CSMD3: variants seen among roughly 807,000 people sequenced by gnomAD.
CSMD3 encodes the protein CUB and sushi domain-containing protein 3.
CSMD3 carries 177 observed loss-of-function variants against 435.2 expected under a neutral mutation model. The ratio of observed to expected loss-of-function variants is 0.41; its 90% CI spans 0.36 to 0.46. CSMD3 has a LOEUF of 0.46. CSMD3 is among the 20% of genes least tolerant of loss of function. The probability of loss-of-function intolerance (pLI) is 0.34; values close to 1 mark genes in which losing one functional copy is unlikely to be tolerated. For synonymous variants in CSMD3, 1,656 were observed against 1,520.5 expected, an observed-to-expected ratio of 1.09 and a Z score of -2.07; for missense variants, 4,265 against 4,504.6, an observed-to-expected ratio of 0.95 and a Z score of 1.52.
intron 13 of CSMD3, among the ~76,000 whole-genome samples, chr8:112,784,474 A>C (rs530605296): frequency 2.6e-5 from 4 of 152,118 alleles, no homozygotes; most frequent in African/African-American, 9.6e-5. Flanking sequence ...AAGTTCAACA[A>C]AATGAAAATT....
chr8:112,388,963 A>C (rs539487672), intron 36 of CSMD3, among the ~76,000 whole-genome samples: 1 of 152,278 alleles, frequency 6.6e-6, no homozygotes, highest in South Asian at 2.1e-4. Flanking sequence ...CAGATGTAGA[A>C]GAGAAAACAA....
At chr8:112,285,517 C>A (rs1819101124) in intron 58 of CSMD3, among the ~76,000 whole-genome samples, 1 of 151,840 alleles carries the variant, frequency 6.6e-6, no homozygotes, top group Non-Finnish European at 1.5e-5. Flanking sequence ...AATCAAAAAA[C>A]CCTCAGGAAA....
intron 45 of CSMD3, among the ~76,000 whole-genome samples, chr8:112,327,145 T>A (rs1049859560): frequency 6.6e-6 from 1 of 152,218 alleles, no homozygotes; most frequent in Non-Finnish European, 1.5e-5. Flanking sequence ...ATATAATATG[T>A]AAGTGTCTGT....
At chr8:113,179,905 G>A (rs1050902679) in intron 3 of CSMD3, among the ~76,000 whole-genome samples, 4 of 151,808 alleles carry the variant, frequency 2.6e-5, no homozygotes, top group African/African-American at 7.2e-5. Context: ...GGGAGCACAT[G>A]TATAGTTGCG....
intron 9 of CSMD3, among the ~76,000 whole-genome samples, chr8:112,922,422 A>G (rs2082772245): frequency 6.6e-6 from 1 of 151,976 alleles, no homozygotes; most frequent in South Asian, 2.1e-4. Flanking sequence ...ATTATTGACT[A>G]TAGCTATCTT....
intron 12 of CSMD3, among the ~76,000 whole-genome samples, chr8:112,825,561 G>A (rs1001655250): frequency 6.6e-6 from 1 of 152,098 alleles, no homozygotes; most frequent in Non-Finnish European, 1.5e-5. Flanking sequence ...CTGTTTGTTT[G>A]TTTTTCTTTC....
chr8:112,477,960 G>C (rs1819234035), intron 31 of CSMD3, among the ~76,000 whole-genome samples: 1 of 152,078 alleles, frequency 6.6e-6, no homozygotes, highest in African/African-American at 2.4e-5. Flanking sequence ...TGGGGTCAAG[G>C]CTTTCCCGTG....
chr8:113,053,872 T>A (rs2088203280), intron 5 of CSMD3, among the ~76,000 whole-genome samples: 1 of 152,160 alleles, frequency 6.6e-6, no homozygotes, highest in African/African-American at 2.4e-5. Context: ...TTATATAAAT[T>A]TAGAATCCCA....
At chr8:112,374,669 T>C (rs12156058) in intron 38 of CSMD3, among the ~76,000 whole-genome samples, 59,927 of 152,020 alleles carry the variant, frequency 0.39, 13,304 homozygotes, top group Middle Eastern at 0.54. Flanking sequence ...ATAATAATGT[T>C]CCATTTAAAA....
chr8:112,968,909 ACAT>A (rs1379698365), intron 7 of CSMD3, among the ~76,000 whole-genome samples: 1 of 152,022 alleles, frequency 6.6e-6, no homozygotes, highest in Non-Finnish European at 1.5e-5. Context: ...TTTAAAAACA[ACAT>A]ATTTTAGATT....
In CSMD3 at chr8:112,747,183, C is replaced by CTTT. The variant is rs71309787; in HGVS notation, c.1972+52976_1972+52978dup. ...TATGATTATTTGTCTGCACACTTCC[C>CTTT]TTTTTTTTTTTTTTTTTTTTTTTTT... On this transcript the variant is annotated intron_variant, in intron 13 of 70. Transcript: ENST00000297405. 7.4e-4 allele frequency among the ~76,000 whole-genome samples: 20 copies of CTTT among 26,926 alleles called. 1 individual carries two copies. Among genetic ancestry groups the CTTT allele is most frequent in the East Asian group, 2.0e-3 (2 of 980 alleles). 17.7% of individuals were successfully genotyped at this position (26,926 alleles called of 152,430 possible).
rs141263917 is a variant in CSMD3, at chr8:113,196,572, G to T, written c.515-22656C>A. On this transcript the variant is annotated intron_variant, in intron 3 of 70. Coordinates refer to ENST00000297405, the MANE Select transcript of CSMD3 (RefSeq NM_198123.2). ...CACAAAAGTTAAAGAGCATGACGAG[G>T]ATTTTATTTTTTAAATGTAATTATG... Among the ~76,000 whole-genome samples the T allele has an allele frequency of 2.7e-4, 41 of 151,304 alleles. No individual in the cohort carries two copies. In the East Asian group the frequency reaches 7.4e-3, roughly 27 times the overall value.
At chr8:112,979,029 T>C (rs1284504186) in intron 6 of CSMD3, among the ~76,000 whole-genome samples, 1 of 151,950 alleles carries the variant, frequency 6.6e-6, no homozygotes, top group Non-Finnish European at 1.5e-5. Context: ...GAAGAGCAAT[T>C]TCAAAGCAGG....
intron 32 of CSMD3, among the ~76,000 whole-genome samples, chr8:112,428,632 C>A (rs1813334131): frequency 6.6e-6 from 1 of 152,060 alleles, no homozygotes; most frequent in South Asian, 2.1e-4. Flanking sequence ...TACTTACCAC[C>A]CTGTATGCTA....
intron 12 of CSMD3, among the ~76,000 whole-genome samples, chr8:112,822,988 T>A (rs2079570274): frequency 6.6e-6 from 1 of 152,196 alleles, no homozygotes; most frequent in African/African-American, 2.4e-5. Flanking sequence ...TGAAGCTGAC[T>A]CGATTGTGGG....
At chr8:113,268,361 T>C (rs999473086) in intron 3 of CSMD3, among the ~76,000 whole-genome samples, 1 of 151,290 alleles carries the variant, frequency 6.6e-6, no homozygotes, top group Non-Finnish European at 1.5e-5. Context: ...AAGAACTTTT[T>C]ACTCATTTGG....
At chr8:112,389,445 C>A (rs1385917222) in intron 36 of CSMD3, among the ~76,000 whole-genome samples, 2 of 152,228 alleles carry the variant, frequency 1.3e-5, no homozygotes, top group African/African-American at 4.8e-5. Context: ...TCAAATTTGA[C>A]AAATTGTCTA....
At chr8:113,127,323 T>C (rs996056598) in intron 4 of CSMD3, among the ~76,000 whole-genome samples, 1 of 152,056 alleles carries the variant, frequency 6.6e-6, no homozygotes, top group Admixed American at 6.6e-5. Flanking sequence ...ATCAACAAAA[T>C]AAGGTCATAA....
intron 69 of CSMD3, among the ~76,000 whole-genome samples, chr8:112,230,897 C>T (rs1264583262): frequency 6.6e-6 from 1 of 151,922 alleles, no homozygotes; most frequent in African/African-American, 2.4e-5. Flanking sequence ...TTTGTGTATC[C>T]CTGTCACAGT....
Sources: allele counts gnomAD v4.1 joint callset (sites outside exome capture counted in the v4.1 genomes callset), GRCh38; gene constraint gnomAD v4.1.1; transcripts MANE v1.5; gene names NCBI Gene and HGNC (gene_info 2026-07-23, HGNC 2026-07-21).